NGEF: variants seen among roughly 807,000 people sequenced by gnomAD.
NGEF encodes the protein neuronal guanine nucleotide exchange factor.
Under a neutral mutation model 80.9 loss-of-function variants are expected in NGEF, and 31 were observed. The ratio of observed to expected loss-of-function variants is 0.38; its 90% CI spans 0.29 to 0.52. The LOEUF (loss-of-function observed/expected upper bound fraction) is 0.52, where lower values mean the gene tolerates loss of function less well. Among genes scored for constraint, NGEF ranks in the 20% least tolerant of loss-of-function variants. NGEF has a pLI of 0.84. For synonymous variants in NGEF, 371 were observed against 370.2 expected, an observed-to-expected ratio of 1.00 and a Z score of -0.03; for missense variants, 709 against 926.2, an observed-to-expected ratio of 0.77 and a Z score of 3.04.
chr2:232,900,050 GCT>G (rs1250888774), intron 5 of NGEF, among the ~76,000 whole-genome samples: 4 of 114,936 alleles, frequency 3.5e-5, no homozygotes, highest in Non-Finnish European at 5.1e-5. Context: ...ACACACACAC[GCT>G]CTCACAGTCA....
chr2:232,928,521 C>T (rs962065411), intron 3 of NGEF, among the ~76,000 whole-genome samples: 6 of 152,114 alleles, frequency 3.9e-5, no homozygotes, highest in Non-Finnish European at 5.9e-5. Flanking sequence ...CTGCGGTCTC[C>T]CGCAGGGTCG....
At chr2:232,939,466 G>T (rs1486618442) in intron 3 of NGEF, among the ~76,000 whole-genome samples, 1 of 152,056 alleles carries the variant, frequency 6.6e-6, no homozygotes, top group Non-Finnish European at 1.5e-5. Context: ...TATGAAACAA[G>T]AAAGAAAAAT....
intron 6 of NGEF, 56 bp from the exon 7 acceptor site, chr2:232,893,106 G>A (rs1559195267): frequency 1.3e-6 from 2 of 1,559,622 alleles, no homozygotes; most frequent in Non-Finnish European, 1.7e-6. Context: ...GTGGGGAATT[G>A]TCTCACCAAG....
chr2:232,898,558 C>T (rs1692169354), intron 5 of NGEF, among the ~76,000 whole-genome samples: 1 of 152,208 alleles, frequency 6.6e-6, no homozygotes, highest in Non-Finnish European at 1.5e-5. Flanking sequence ...TTTGTCATGT[C>T]GATATGGCTA....
At chr2:232,888,197 C>G (rs1691754334) in intron 8 of NGEF, 90 bp from the exon 9 acceptor site, 1 of 866,238 alleles carries the variant, frequency 1.2e-6, no homozygotes, top group East Asian at 2.5e-5. Flanking sequence ...CCCTACTGCA[C>G]CAGTCCAGCC....
intron 1 of NGEF, among the ~76,000 whole-genome samples, chr2:232,993,354 A>G (rs1694713174): frequency 6.6e-6 from 1 of 151,254 alleles, no homozygotes; most frequent in African/African-American, 2.4e-5. Context: ...AATGCAAATA[A>G]AAGCCACAAT....
intron 3 of NGEF, chr2:232,928,111 C>G (rs1185780627): frequency 1.9e-6 from 2 of 1,036,936 alleles, no homozygotes; most frequent in African/African-American, 1.7e-5. Context: ...GCGCGCGGCT[C>G]GACCGGAGCT....
At chr2:232,962,582 C>CA (rs1462447318) in intron 3 of NGEF, among the ~76,000 whole-genome samples, 1 of 151,772 alleles carries the variant, frequency 6.6e-6, no homozygotes, top group East Asian at 1.9e-4. Context: ...ATTAAGATCA[C>CA]AGGATACTAG....
intron 1 of NGEF, among the ~76,000 whole-genome samples, chr2:232,987,559 A>G (rs1694557897): frequency 6.6e-6 from 1 of 152,140 alleles, no homozygotes; most frequent in South Asian, 2.1e-4. Flanking sequence ...GGCTCCCTGC[A>G]GGAAGGAGAG....
rs1692869946 is a variant in NGEF, at chr2:232,918,830, T to C, written c.828+1454A>G. Among the ~76,000 whole-genome samples the C allele has an allele frequency of 3.3e-5, 5 of 151,994 alleles. No homozygotes were observed. In the South Asian group the frequency reaches 1.0e-3, roughly 32 times the overall value. On this transcript the variant is annotated intron_variant, in intron 5 of 14. Coordinates refer to ENST00000264051, the MANE Select transcript of NGEF (RefSeq NM_019850.3). The stretch of plus-strand genomic sequence containing the variant: ...TTTTAGTAGAGACTGGGTTTCACCA[T>C]CTTGGCCAGGCTGGTCTCGAACTCC...
At chr2:232,893,642 G>A (rs1691958283) in intron 6 of NGEF, among the ~76,000 whole-genome samples, 1 of 152,162 alleles carries the variant, frequency 6.6e-6, no homozygotes. Context: ...GAGTGTGGTG[G>A]TGGACGCCTG....
chr2:233,005,380 C>T (rs906368812), intron 1 of NGEF, among the ~76,000 whole-genome samples: 5 of 152,224 alleles, frequency 3.3e-5, no homozygotes, highest in African/African-American at 1.2e-4. Context: ...GAAGCAGCCA[C>T]CCTACCAAAC....
At chr2:232,896,556 G>C (rs1428692160) in intron 5 of NGEF, among the ~76,000 whole-genome samples, 2 of 110,974 alleles carry the variant, frequency 1.8e-5, no homozygotes, top group African/African-American at 3.5e-5. Context: ...GGTGAGGGTG[G>C]GGTAGGGGTG....
chr2:232,895,041 C>T, intron 5 of NGEF, 125 bp from the exon 6 acceptor site: 3 of 1,076,334 alleles, frequency 2.8e-6, no homozygotes, highest in Non-Finnish European at 4.0e-6. Flanking sequence ...TCGCCTGCTC[C>T]TGGGGCCTGG....
rs143323525 is a variant in NGEF at position 232,951,407 on chromosome 2, G to A, written c.383+18807C>T. Among the ~76,000 whole-genome samples, 645 of 152,268 alleles carry A rather than the reference G, an allele frequency of 4.2e-3. 5 individuals are homozygous for A. The highest frequency in any genetic ancestry group is 0.015 in the African/African-American group (621 of 41,562). On this transcript the variant is annotated intron_variant, in intron 3 of 14. Coordinates refer to ENST00000264051, the MANE Select transcript of NGEF (RefSeq NM_019850.3). ...TTCTTAGCTGTCTCCCCAGTCCAAGGCACGACAACCTTCTCTCTGCAGACA... is the reference window on the plus strand; with the variant it reads ...TTCTTAGCTGTCTCCCCAGTCCAAGACACGACAACCTTCTCTCTGCAGACA...
At chr2:232,988,301 G>A (rs1431041352) in intron 1 of NGEF, among the ~76,000 whole-genome samples, 3 of 152,162 alleles carry the variant, frequency 2.0e-5, no homozygotes, top group Non-Finnish European at 4.4e-5. Context: ...AAATTGTAAC[G>A]TGGCTGAAAT....
chr2:232,918,628 G>GTT (rs752153408), intron 5 of NGEF, among the ~76,000 whole-genome samples: 77 of 107,966 alleles, frequency 7.1e-4, no homozygotes, highest in Admixed American at 1.8e-3. Flanking sequence ...TTATTTCTAA[G>GTT]TTTTTTTTTT....
intron 3 of NGEF, 39 bp downstream of exon 3, chr2:232,970,175 T>G (rs751988034): frequency 7.9e-7 from 1 of 1,263,656 alleles, no homozygotes; most frequent in South Asian, 1.4e-5. Flanking sequence ...TGATGCATCT[T>G]TCCCAGACCA....
At chr2:232,889,597 T>G (rs891684903) in intron 8 of NGEF, among the ~76,000 whole-genome samples, 5 of 152,250 alleles carry the variant, frequency 3.3e-5, no homozygotes, top group Admixed American at 3.3e-4. Flanking sequence ...CACTGCATAA[T>G]TAGGAAATGT....
Sources: gnomAD v4.1 joint callset for allele counts (sites outside exome capture counted in the v4.1 genomes callset) on GRCh38, gnomAD v4.1.1 for gene constraint, MANE v1.5 for transcripts, NCBI Gene and HGNC (gene_info 2026-07-23, HGNC 2026-07-21) for gene names.